PDE4D: variants seen among roughly 807,000 people sequenced by gnomAD.
PDE4D encodes the protein phosphodiesterase 4D, also known as 3',5'-cyclic-AMP phosphodiesterase 4D.
PDE4D carries 24 observed loss-of-function variants against 87.4 expected under a neutral mutation model. That is an observed-to-expected ratio of 0.27 (90% CI 0.20 to 0.39). PDE4D has a LOEUF of 0.39. PDE4D is among the 10% of genes least tolerant of loss of function. The pLI is 1.00. For synonymous variants in PDE4D, 384 were observed against 383.2 expected (o/e 1.00, Z -0.02); for missense variants, 714 against 1,041.0 (o/e 0.69, Z 4.32).
intron 1 of PDE4D, among the ~76,000 whole-genome samples, chr5:59,401,168 G>T (rs1790543245): frequency 6.6e-6 from 1 of 152,142 alleles, no homozygotes; most frequent in South Asian, 2.1e-4. Flanking sequence ...TTTATGGCTG[G>T]GCATGGTAGC....
At chr5:59,368,701 T>G (rs1783472951) in intron 1 of PDE4D, among the ~76,000 whole-genome samples, 1 of 152,202 alleles carries the variant, frequency 6.6e-6, no homozygotes, top group African/African-American at 2.4e-5. Flanking sequence ...TATGTGATAT[T>G]CTGACTCAAA....
At chr5:59,246,396 A>T (rs1445948) in intron 1 of PDE4D, among the ~76,000 whole-genome samples, 2 of 151,932 alleles carry the variant, frequency 1.3e-5, no homozygotes, top group Non-Finnish European at 2.9e-5. Flanking sequence ...AACCAAAAAA[A>T]CTATGATCAT....
At chr5:59,793,172 C>T (rs920929034) in intron 1 of PDE4D, among the ~76,000 whole-genome samples, 2 of 152,280 alleles carry the variant, frequency 1.3e-5, no homozygotes, top group South Asian at 4.1e-4. Context: ...GAGCAACACA[C>T]TCAGAGGCAG....
intron 2 of PDE4D, among the ~76,000 whole-genome samples, chr5:60,109,586 A>C (rs377079305): frequency 6.6e-5 from 10 of 152,026 alleles, no homozygotes; most frequent in South Asian, 4.2e-4. Context: ...GCACTATTCA[A>C]AATAGCAAAG....
At chr5:59,267,544 C>T (rs896251271) in intron 1 of PDE4D, among the ~76,000 whole-genome samples, 2 of 151,902 alleles carry the variant, frequency 1.3e-5, no homozygotes, top group Admixed American at 1.3e-4. Flanking sequence ...ATCTATTTTA[C>T]AATTTAGAAT....
intron 1 of PDE4D, among the ~76,000 whole-genome samples, chr5:59,489,397 A>C (rs1047934985): frequency 6.6e-6 from 1 of 152,204 alleles, no homozygotes; most frequent in Non-Finnish European, 1.5e-5. Context: ...AGAAGACAGT[A>C]ATTAGTTTCT....
At chr5:60,142,183 TAGAA>T (rs1489774095) in intron 2 of PDE4D, among the ~76,000 whole-genome samples, 3 of 125,486 alleles carry the variant, frequency 2.4e-5, no homozygotes, top group Non-Finnish European at 4.8e-5. Context: ...GGACAATACA[TAGAA>T]GGAAGGATGG....
At chr5:59,914,452 T>G (rs1439293405) in intron 3 of PDE4D, among the ~76,000 whole-genome samples, 4 of 151,856 alleles carry the variant, frequency 2.6e-5, no homozygotes, top group African/African-American at 9.7e-5. Context: ...ACAAAGTCTG[T>G]GGGGCAGGGC....
At position 59,375,888 on chromosome 5, in the gene PDE4D, C is replaced by T. The variant is rs183269167; in HGVS notation, c.456-159920G>A. Reference sequence around the variant, plus strand: ...AGATGCAAGGTTGGTTCAACATATGCAAATCAATAAATGTGATTCATCACA... The same window carrying T: ...AGATGCAAGGTTGGTTCAACATATGTAAATCAATAAATGTGATTCATCACA... On this transcript the variant is annotated intron_variant, in intron 1 of 14. Coordinates refer to ENST00000340635, the MANE Select transcript of PDE4D (RefSeq NM_001104631.2). Among the ~76,000 whole-genome samples, 175 of 152,236 alleles carry T rather than the reference C, an allele frequency of 1.1e-3. 1 individual carries two copies. Among genetic ancestry groups the T allele is most frequent in the African/African-American group, 4.0e-3 (166 of 41,542 alleles).
chr5:59,241,400 G>C (rs1757649251), intron 1 of PDE4D, among the ~76,000 whole-genome samples: 1 of 152,140 alleles, frequency 6.6e-6, no homozygotes, highest in African/African-American at 2.4e-5. Flanking sequence ...CTCTACACTT[G>C]ACTGAAAAAG....
intron 1 of PDE4D, among the ~76,000 whole-genome samples, chr5:60,324,977 C>G (rs574883618): frequency 6.6e-6 from 1 of 152,180 alleles, no homozygotes; most frequent in East Asian, 1.9e-4. Context: ...ATCCTGTGCA[C>G]AATGACATAG....
intron 5 of PDE4D, chr5:59,157,390 T>G: frequency 1.4e-6 from 1 of 702,188 alleles, no homozygotes; most frequent in Non-Finnish European, 2.6e-6. Context: ...TGCAAACAAG[T>G]GATCCGAAGA....
intron 1 of PDE4D, among the ~76,000 whole-genome samples, chr5:59,421,594 C>T (rs1407826737): frequency 6.6e-6 from 1 of 151,942 alleles, no homozygotes; most frequent in Non-Finnish European, 1.5e-5. Flanking sequence ...AGTAATCAAT[C>T]CAACAAAGAA....
chr5:59,395,907 A>G lies in PDE4D; in HGVS notation c.456-179939T>C, dbSNP rs1410647820. Among the ~76,000 whole-genome samples the G allele has an allele frequency of 3.2e-3, 381 of 120,022 alleles. 92 individuals carry two copies. Among genetic ancestry groups the G allele is most frequent in the African/African-American group, 0.012 (365 of 29,962 alleles). 78.7% of individuals were successfully genotyped at this position (120,022 alleles called of 152,430 possible). The stretch of plus-strand genomic sequence containing the variant: ...CTTAAAGGAGCTGATGGAGCTGAAA[A>G]CCAAGGCTCAAGAACTACCTGAAGA... On this transcript the variant is annotated intron_variant, in intron 1 of 14. Transcript: ENST00000340635.
Position 58,973,487 on chromosome 5 carries a change from T to TAGAA in PDE4D, c.*1173_*1176dup, listed in dbSNP as rs1184393156. 10 of 152,626 alleles carry TAGAA rather than the reference T, an allele frequency of 6.6e-5. No homozygotes were observed. The highest frequency in any genetic ancestry group is 1.7e-4 in the African/African-American group (7 of 41,460). The allele number at this position is 152,626 out of a possible 1,614,324, so 9.5% of individuals were successfully genotyped here. A position where few individuals can be genotyped will look rare whatever the true frequency, so the allele number is the denominator to read the frequency against. On this transcript the variant is annotated 3_prime_UTR_variant, in exon 15 of 15. Transcript: ENST00000340635. ...TTAGAGCATGAAATGTGTGGATTAT[T>TAGAA]AGAAAGACATGCACTTGTGAAATGA...
At chr5:59,240,606 C>T (rs1757441556) in intron 1 of PDE4D, among the ~76,000 whole-genome samples, 1 of 152,088 alleles carries the variant, frequency 6.6e-6, no homozygotes, top group African/African-American at 2.4e-5. Flanking sequence ...AGTATAGTAT[C>T]CCAATAGGTT....
intron 1 of PDE4D, among the ~76,000 whole-genome samples, chr5:59,442,993 T>A (rs1435650763): frequency 1.3e-5 from 2 of 152,198 alleles, no homozygotes; most frequent in African/African-American, 4.8e-5. Context: ...ATTTTGACCT[T>A]AGAAAAACCC....
At chr5:59,070,581 T>C (rs909904908) in intron 5 of PDE4D, among the ~76,000 whole-genome samples, 1 of 152,210 alleles carries the variant, frequency 6.6e-6, no homozygotes, top group African/African-American at 2.4e-5. Flanking sequence ...ATTATAGTCT[T>C]ACTTAGATTG....
intron 2 of PDE4D, among the ~76,000 whole-genome samples, chr5:60,055,939 G>A (rs1770728726): frequency 6.6e-6 from 1 of 152,030 alleles, no homozygotes; most frequent in South Asian, 2.1e-4. Context: ...GAAAGGAGAA[G>A]CAAGGAAGGG....
Sources: gnomAD v4.1 joint callset for allele counts (sites outside exome capture counted in the v4.1 genomes callset) on GRCh38, gnomAD v4.1.1 for gene constraint, MANE v1.5 for transcripts, NCBI Gene and HGNC (gene_info 2026-07-23, HGNC 2026-07-21) for gene names.